Variants in CNTN4 observed in about 807,000 individuals in gnomAD.
The protein encoded by CNTN4 is contactin 4, also known as contactin-4.
In CNTN4, 77 loss-of-function variants were observed where a neutral mutation model predicts 122.5. The observed-to-expected ratio is 0.63, with a 90% CI of 0.52 to 0.76. The LOEUF (loss-of-function observed/expected upper bound fraction) is 0.76, where lower values mean the gene tolerates loss of function less well. CNTN4 is among the 30% of genes least tolerant of loss of function. CNTN4 has a pLI of 0.00. For missense variants in CNTN4, 1,256 were observed against 1,259.1 expected (o/e 1.00, Z 0.04); for synonymous variants, 512 against 447.0 (o/e 1.15, Z -1.83).
At chr3:2,304,137 A>G (rs561711077) in intron 2 of CNTN4, among the ~76,000 whole-genome samples, 2 of 152,290 alleles carry the variant, frequency 1.3e-5, no homozygotes, top group South Asian at 2.1e-4. Context: ...TTACTTGTTC[A>G]TTACATTGTA....
At chr3:2,527,065 C>G (rs2077424120) in intron 3 of CNTN4, among the ~76,000 whole-genome samples, 1 of 152,156 alleles carries the variant, frequency 6.6e-6, no homozygotes, top group South Asian at 2.1e-4. Flanking sequence ...TTGTTCCTGT[C>G]CTGGCATTCC....
chr3:2,834,856 G>A (rs2093182484), intron 7 of CNTN4, among the ~76,000 whole-genome samples: 1 of 140,860 alleles, frequency 7.1e-6, no homozygotes, highest in Admixed American at 7.4e-5. Flanking sequence ...TTTAGACCAA[G>A]CATTATTCAA....
chr3:2,306,900 T>A (rs201869699), intron 2 of CNTN4, among the ~76,000 whole-genome samples: 26 of 151,584 alleles, frequency 1.7e-4, no homozygotes, highest in African/African-American at 6.3e-4. Context: ...GAAATTTTTT[T>A]ATTTCATGTT....
At chr3:2,999,339 G>A (rs1440559474) in intron 14 of CNTN4, among the ~76,000 whole-genome samples, 1 of 152,218 alleles carries the variant, frequency 6.6e-6, no homozygotes, top group African/African-American at 2.4e-5. Context: ...GGGGAAGATA[G>A]AAGAATCTGG....
chr3:2,316,910 C>G (rs1018563466), intron 2 of CNTN4, among the ~76,000 whole-genome samples: 1 of 152,136 alleles, frequency 6.6e-6, no homozygotes, highest in Non-Finnish European at 1.5e-5. Context: ...GAAAAACACA[C>G]ACCAATTAAG....
chr3:2,119,317 C>G (rs2033569891), intron 2 of CNTN4, among the ~76,000 whole-genome samples: 1 of 152,240 alleles, frequency 6.6e-6, no homozygotes. Context: ...GTGTATACAT[C>G]TAGTCCATCC....
chr3:2,961,231 C>CAAAAAAAAAAAAAAAAAAAAAAAAAAAAA (rs59790353), intron 13 of CNTN4, among the ~76,000 whole-genome samples: 1 of 37,262 alleles, frequency 2.7e-5, no homozygotes, highest in Non-Finnish European at 5.0e-5. Flanking sequence ...CTCCATCTCA[C>CAAAAAAAAAAAAAAAAAAAAAAAAAAAAA]AAAAAAAAAA....
chr3:2,283,922 A>G (rs745907563), intron 2 of CNTN4, among the ~76,000 whole-genome samples: 9 of 152,116 alleles, frequency 5.9e-5, no homozygotes, highest in Non-Finnish European at 1.3e-4. Context: ...AATTTTTCAT[A>G]TGCTCATCTG....
At chr3:2,295,157 T>C (rs1159780894) in intron 2 of CNTN4, among the ~76,000 whole-genome samples, 1 of 145,834 alleles carries the variant, frequency 6.9e-6, no homozygotes, top group Non-Finnish European at 1.5e-5. Context: ...TGTGTCTTTA[T>C]AGCAGCATGA....
At chr3:2,735,985 A>C (rs2149489398) in intron 4 of CNTN4, 1 of 645,628 alleles carries the variant, frequency 1.5e-6, no homozygotes, top group Non-Finnish European at 2.9e-6. Flanking sequence ...AGTTGTTAGT[A>C]AAATTAGTGA....
chr3:3,040,098 A>C lies in CNTN4; in HGVS notation c.2225A>C (p.Tyr742Ser). The C allele has an allele frequency of 6.2e-7, 1 of 1,614,208 alleles. No individual in the cohort carries two copies. The highest frequency in any genetic ancestry group is 8.5e-7 in the Non-Finnish European group (1 of 1,180,016). Residue 742 changes from tyrosine to serine, a missense_variant, in exon 20 of 25, where the codon TAC (tyrosine) becomes TCC (serine). Transcript: ENST00000418658. ...GGTTATGTGGTGGCCTTCCGGCCCT[A>C]CGGTAAAATGATCTGGATGCTGACA... ...GFGYVVAFRP[Y>S]GKMIWMLTVL...
intron 7 of CNTN4, among the ~76,000 whole-genome samples, chr3:2,846,101 T>C (rs1192558722): frequency 6.6e-6 from 1 of 152,204 alleles, no homozygotes; most frequent in Non-Finnish European, 1.5e-5. Flanking sequence ...GATTTTACAA[T>C]GCTAATAAGA....
chr3:2,542,785 T>C (rs2078085733), intron 3 of CNTN4, among the ~76,000 whole-genome samples: 1 of 152,064 alleles, frequency 6.6e-6, no homozygotes, highest in Non-Finnish European at 1.5e-5. Context: ...TGTTAGCTGT[T>C]CTGGGGAGTG....
chr3:2,390,455 C>G (rs1266252555), intron 3 of CNTN4, among the ~76,000 whole-genome samples: 1 of 152,024 alleles, frequency 6.6e-6, no homozygotes, highest in Non-Finnish European at 1.5e-5. Context: ...ACAGAAGCAG[C>G]TTCAAATACT....
chr3:2,651,105 G>T lies in CNTN4; in HGVS notation c.55+79547G>T, dbSNP rs560641163. Among the ~76,000 whole-genome samples the T allele has an allele frequency of 3.3e-5, 5 of 152,190 alleles. No individual in the cohort carries two copies. The South Asian group carries it at 1.0e-3, about 32-fold the overall frequency. On this transcript the variant is annotated intron_variant, in intron 4 of 24. Coordinates refer to ENST00000418658, the MANE Select transcript of CNTN4 (RefSeq NM_175607.3). ...GTTTATATGTCAAAAAGACTGTTACGGTCTTTTCCTTTCTGATGCCTTCTA... is the reference window on the plus strand; with the variant it reads ...GTTTATATGTCAAAAAGACTGTTACTGTCTTTTCCTTTCTGATGCCTTCTA...
chr3:2,302,802 TA>T, intron 2 of CNTN4, among the ~76,000 whole-genome samples: 1 of 152,318 alleles, frequency 6.6e-6, no homozygotes, highest in South Asian at 2.1e-4. Flanking sequence ...GTCTCATCCA[TA>T]AGTTTATTAG....
intron 13 of CNTN4, among the ~76,000 whole-genome samples, chr3:2,979,474 A>G (rs1284342923): frequency 6.6e-6 from 1 of 152,152 alleles, no homozygotes; most frequent in African/African-American, 2.4e-5. Flanking sequence ...TCTGTAATAA[A>G]TTTTAGCTCT....
chr3:2,507,627 C>T (rs949968376), intron 3 of CNTN4, among the ~76,000 whole-genome samples: 3 of 150,630 alleles, frequency 2.0e-5, no homozygotes, highest in Non-Finnish European at 3.0e-5. Context: ...CCCAGCTACT[C>T]GGGAGGCTGA....
At chr3:2,887,722 C>T (rs1010242667) in intron 10 of CNTN4, among the ~76,000 whole-genome samples, 4 of 152,108 alleles carry the variant, frequency 2.6e-5, no homozygotes, top group Non-Finnish European at 5.9e-5. Flanking sequence ...CAGAGTGGAA[C>T]GTGACAAATC....
Sources: allele counts gnomAD v4.1 joint callset (sites outside exome capture counted in the v4.1 genomes callset), GRCh38; gene constraint gnomAD v4.1.1; transcripts MANE v1.5; gene names NCBI Gene and HGNC (gene_info 2026-07-23, HGNC 2026-07-21).